Variants in GRID2 observed in about 807,000 individuals in gnomAD.
The protein encoded by GRID2 is glutamate ionotropic receptor delta type subunit 2, also known as glutamate receptor ionotropic, delta-2.
A neutral mutation model predicts 114.8 loss-of-function variants in GRID2; 33 were observed. The ratio of observed to expected loss-of-function variants is 0.29; its 90% CI spans 0.22 to 0.38. The LOEUF (loss-of-function observed/expected upper bound fraction) is 0.38. Among genes scored for constraint, GRID2 ranks in the 10% least tolerant of loss-of-function variants. The probability of loss-of-function intolerance (pLI) is 1.00; values close to 1 mark genes in which losing one functional copy is unlikely to be tolerated. For missense variants in GRID2, 1,184 were observed against 1,257.7 expected (o/e 0.94, Z 0.89); for synonymous variants, 505 against 449.9 (o/e 1.12, Z -1.55).
intron 4 of GRID2, among the ~76,000 whole-genome samples, chr4:93,145,863 C>A (rs1039452663): frequency 1.1e-5 from 1 of 92,692 alleles, no homozygotes; most frequent in Admixed American, 1.4e-4. Flanking sequence ...CACACACACA[C>A]ATACACACAC....
chr4:92,739,012 A>G (rs1476780164), intron 2 of GRID2, among the ~76,000 whole-genome samples: 3 of 152,242 alleles, frequency 2.0e-5, no homozygotes, highest in Admixed American at 6.5e-5. Flanking sequence ...TGAACAGAAG[A>G]TGATATTTTG....
At chr4:93,020,806 G>A (rs1454437446) in intron 2 of GRID2, among the ~76,000 whole-genome samples, 1 of 152,126 alleles carries the variant, frequency 6.6e-6, no homozygotes, top group Non-Finnish European at 1.5e-5. Context: ...GCCGAGGCGG[G>A]CAGATCACCT....
chr4:93,348,445 A>T (rs1560525450), intron 8 of GRID2, among the ~76,000 whole-genome samples: 1 of 152,240 alleles, frequency 6.6e-6, no homozygotes. Flanking sequence ...AAGTACAAAT[A>T]AAATGAATAA....
At chr4:92,314,078 A>G (rs141146212) in intron 1 of GRID2, among the ~76,000 whole-genome samples, 1 of 152,270 alleles carries the variant, frequency 6.6e-6, no homozygotes, top group East Asian at 1.9e-4. Context: ...ACGTTCAAAT[A>G]GAAAGGAAAT....
At chr4:92,965,450 T>TTAAAAAAA (rs1393372287) in intron 2 of GRID2, among the ~76,000 whole-genome samples, 1 of 85,760 alleles carries the variant, frequency 1.2e-5, no homozygotes, top group Non-Finnish European at 2.4e-5. Context: ...ATTCAATTTG[T>TTAAAAAAA]AAAAAAAAAA....
At chr4:93,661,809 C>T (rs1414347092) in intron 14 of GRID2, among the ~76,000 whole-genome samples, 1 of 152,164 alleles carries the variant, frequency 6.6e-6, no homozygotes, top group Non-Finnish European at 1.5e-5. Flanking sequence ...CTCTGGCTCT[C>T]TTACAGTGTC....
intron 4 of GRID2, among the ~76,000 whole-genome samples, chr4:93,183,131 A>T (rs1740056465): frequency 6.6e-6 from 1 of 152,184 alleles, no homozygotes; most frequent in Non-Finnish European, 1.5e-5. Context: ...AATTCCTAAA[A>T]TTTAGTTGCC....
exon 2 of GRID2, chr4:93,809,897 A>G (rs1735099793): frequency 6.6e-6 from 1 of 152,272 alleles, no homozygotes. Flanking sequence ...GGAGCCAGAG[A>G]GACTCAGAGT....
Position 93,789,380 on chromosome 4 carries a change from A to G in GRID2, c.222-17335A>G, listed in dbSNP as rs554114621. Among the ~76,000 whole-genome samples the G allele has an allele frequency of 2.3e-4, 35 of 152,362 alleles. No individual in the cohort carries two copies. In the South Asian group the frequency reaches 6.6e-3, roughly 29 times the overall value. On this transcript the variant is annotated intron_variant, in intron 1 of 1. Transcript: ENST00000637838. ...CTGAGCTCCACATCAGTTACTAATTAGGTGTTTTTGTTTAAGTAAAGCAAT... is the reference window on the plus strand; with the variant it reads ...CTGAGCTCCACATCAGTTACTAATTGGGTGTTTTTGTTTAAGTAAAGCAAT...
intron 2 of GRID2, among the ~76,000 whole-genome samples, chr4:92,738,784 T>G (rs1197281665): frequency 8.5e-5 from 13 of 152,132 alleles, no homozygotes; most frequent in African/African-American, 2.9e-4. Flanking sequence ...CCTCAGTAGC[T>G]AAGACTAATG....
At position 92,800,458 on chromosome 4, in the gene GRID2, A is replaced by G. The variant is rs145438171; in HGVS notation, c.244+210172A>G. On this transcript the variant is annotated intron_variant, in intron 2 of 15. Transcript: ENST00000282020. The stretch of plus-strand genomic sequence containing the variant: ...TAGATTGACACAACATGCTAACATA[A>G]TAGAGTAAGCAAATAGGAAATAAAA... Among the ~76,000 whole-genome samples, 1,010 of 152,138 alleles carry G rather than the reference A, an allele frequency of 6.6e-3. 19 individuals carry two copies. Among genetic ancestry groups the G allele is most frequent in the African/African-American group, 0.023 (946 of 41,552 alleles).
intron 1 of GRID2, among the ~76,000 whole-genome samples, chr4:92,586,252 T>C (rs1728434908): frequency 6.6e-6 from 1 of 151,850 alleles, no homozygotes; most frequent in Admixed American, 6.6e-5. Flanking sequence ...GTTAGGTTAG[T>C]GAACTTATAA....
intron 8 of GRID2, among the ~76,000 whole-genome samples, chr4:93,243,909 T>G (rs902540820): frequency 1.7e-4 from 26 of 152,072 alleles, no homozygotes; most frequent in African/African-American, 6.3e-4. Context: ...CGCTAAGGTT[T>G]TCTATACCCT....
chr4:93,712,007 TTTG>T (rs1460747193), intron 14 of GRID2, among the ~76,000 whole-genome samples: 2 of 151,462 alleles, frequency 1.3e-5, no homozygotes, highest in Non-Finnish European at 2.9e-5. Flanking sequence ...TTTCAGTTTT[TTTG>T]TTGTTGTTGT....
At chr4:92,329,926 A>T (rs1037902578) in intron 1 of GRID2, among the ~76,000 whole-genome samples, 6 of 151,214 alleles carry the variant, frequency 4.0e-5, no homozygotes, top group Non-Finnish European at 8.9e-5. Flanking sequence ...GGGAAGAAAG[A>T]GTAAGGGAAA....
chr4:93,003,502 A>T (rs1721209204), intron 2 of GRID2, among the ~76,000 whole-genome samples: 4 of 151,994 alleles, frequency 2.6e-5, no homozygotes, highest in Admixed American at 2.6e-4. Context: ...ATGGCTAAAC[A>T]ATTACTGGAA....
intron 2 of GRID2, among the ~76,000 whole-genome samples, chr4:92,739,200 C>A (rs572168213): frequency 6.6e-6 from 1 of 152,210 alleles, no homozygotes; most frequent in East Asian, 1.9e-4. Context: ...TAGAACATGA[C>A]AACTTTAGAT....
chr4:92,698,789 GA>G (rs1734535743), intron 2 of GRID2, among the ~76,000 whole-genome samples: 1 of 152,060 alleles, frequency 6.6e-6, no homozygotes, highest in African/African-American at 2.4e-5. Context: ...TGATTAAAAA[GA>G]GAAGTGTTTC....
intron 1 of GRID2, among the ~76,000 whole-genome samples, chr4:92,321,291 G>A (rs978546304): frequency 1.1e-4 from 17 of 152,048 alleles, no homozygotes; most frequent in African/African-American, 4.1e-4. Context: ...AAGGACCTGT[G>A]TTTTCTGATA....
Sources: allele counts gnomAD v4.1 joint callset (sites outside exome capture counted in the v4.1 genomes callset), GRCh38; gene constraint gnomAD v4.1.1; transcripts MANE v1.5; gene names NCBI Gene and HGNC (gene_info 2026-07-23, HGNC 2026-07-21).